The following RBFOX1 variants were observed in gnomAD, a reference collection of about 807,000 sequenced individuals.
The protein encoded by RBFOX1 is RNA binding protein fox-1 homolog 1.
A neutral mutation model predicts 57.7 loss-of-function variants in RBFOX1; 8 were observed. The observed-to-expected ratio is 0.14, with a 90% CI of 0.08 to 0.25. The LOEUF (loss-of-function observed/expected upper bound fraction) is 0.25. Ranked by LOEUF, RBFOX1 falls within the 10% of genes least tolerant of loss-of-function variation. The pLI, the probability that RBFOX1 is intolerant of heterozygous loss-of-function variation, is 1.00. For synonymous variants in RBFOX1, 326 were observed against 222.4 expected, an observed-to-expected ratio of 1.47 and a Z score of -4.15; for missense variants, 611 against 548.5, an observed-to-expected ratio of 1.11 and a Z score of -1.14.
intron 14 of RBFOX1, among the ~76,000 whole-genome samples, chr16:7,697,062 G>A (rs1384044457): frequency 2.6e-5 from 4 of 152,170 alleles, no homozygotes; most frequent in African/African-American, 9.7e-5. Context: ...TGATGCAGAG[G>A]CATTGGAGGG....
At chr16:6,363,689 C>T (rs575391745) in intron 2 of RBFOX1, among the ~76,000 whole-genome samples, 12 of 152,220 alleles carry the variant, frequency 7.9e-5, no homozygotes, top group East Asian at 5.8e-4. Context: ...AAAAACACTC[C>T]GGGGCTTAGC....
intron 1 of RBFOX1, among the ~76,000 whole-genome samples, chr16:5,296,249 C>T (rs1231381638): frequency 6.6e-6 from 1 of 152,206 alleles, no homozygotes; most frequent in East Asian, 1.9e-4. Context: ...GCATCTGCAT[C>T]TGTGTAGATG....
intron 3 of RBFOX1, among the ~76,000 whole-genome samples, chr16:7,026,559 T>G (rs1368694177): frequency 1.3e-5 from 2 of 152,118 alleles, no homozygotes; most frequent in African/African-American, 4.8e-5. Context: ...TTCATACGGC[T>G]TCTCCCCGTC....
chr16:6,371,264 T>C (rs2090396265), intron 2 of RBFOX1, among the ~76,000 whole-genome samples: 2 of 152,200 alleles, frequency 1.3e-5, no homozygotes, highest in South Asian at 4.1e-4. Flanking sequence ...TCATTGATGA[T>C]TCTTGTCTGA....
intron 2 of RBFOX1, among the ~76,000 whole-genome samples, chr16:6,397,727 C>G (rs763056990): frequency 5.3e-5 from 8 of 152,126 alleles, no homozygotes; most frequent in Non-Finnish European, 1.0e-4. Context: ...TATGCAGACA[C>G]AAATGATGAG....
intron 4 of RBFOX1, among the ~76,000 whole-genome samples, chr16:5,899,561 G>T (rs2152176517): frequency 6.6e-6 from 1 of 152,342 alleles, no homozygotes; most frequent in South Asian, 2.1e-4. Flanking sequence ...AGAGCAAACT[G>T]AAAGAGCTGG....
At chr16:5,457,371 G>A (rs185188569) in intron 1 of RBFOX1, among the ~76,000 whole-genome samples, 59 of 152,294 alleles carry the variant, frequency 3.9e-4, no homozygotes, top group African/African-American at 1.2e-3. Context: ...CTGACCTCAG[G>A]TGATCCATCT....
At chr16:7,001,175 C>T (rs1035304553) in intron 3 of RBFOX1, among the ~76,000 whole-genome samples, 7 of 152,034 alleles carry the variant, frequency 4.6e-5, no homozygotes, top group African/African-American at 1.4e-4. Flanking sequence ...CTTGCATATT[C>T]CAAAGGAGAC....
At chr16:5,972,413 G>T (rs904093765) in intron 4 of RBFOX1, among the ~76,000 whole-genome samples, 2 of 152,192 alleles carry the variant, frequency 1.3e-5, no homozygotes, top group South Asian at 4.1e-4. Context: ...CCTCTGTTTT[G>T]AAAGAAACCT....
chr16:7,255,048 G>A (rs2094622812), intron 4 of RBFOX1, among the ~76,000 whole-genome samples: 1 of 152,106 alleles, frequency 6.6e-6, no homozygotes, highest in Non-Finnish European at 1.5e-5. Context: ...TAACAGTAGT[G>A]TTTTTAATAT....
chr16:7,674,818 C>T (rs1416104382), intron 13 of RBFOX1, among the ~76,000 whole-genome samples: 2 of 152,172 alleles, frequency 1.3e-5, no homozygotes, highest in African/African-American at 4.8e-5. Context: ...CAATTCTTCC[C>T]ATTTATCGGA....
At chr16:6,392,590 G>A (rs2092653215) in intron 2 of RBFOX1, among the ~76,000 whole-genome samples, 1 of 152,176 alleles carries the variant, frequency 6.6e-6, no homozygotes, top group African/African-American at 2.4e-5. Flanking sequence ...ATGGAATATG[G>A]TAATATCCCT....
chr16:5,794,559 T>G (rs979226708), intron 3 of RBFOX1, among the ~76,000 whole-genome samples: 2 of 151,992 alleles, frequency 1.3e-5, no homozygotes, highest in African/African-American at 4.8e-5. Context: ...ATTTGCTCAT[T>G]GGAGAGGTAT....
chr16:5,603,994 G>A (rs750786163), downstream of RBFOX1, among the ~76,000 whole-genome samples: 36 of 152,062 alleles, frequency 2.4e-4, no homozygotes, highest in Non-Finnish European at 5.3e-4. Flanking sequence ...CTATACCCAA[G>A]GCAGACATTA....
chr16:6,746,175 A>G (rs2073574388), intron 3 of RBFOX1, among the ~76,000 whole-genome samples: 1 of 152,122 alleles, frequency 6.6e-6, no homozygotes, highest in Non-Finnish European at 1.5e-5. Context: ...TGAGAGACTT[A>G]TCTTAGTCTC....
In RBFOX1 at chr16:5,831,387, G is replaced by T. The variant is rs182477988; in HGVS notation, c.319-35916G>T. On this transcript the variant is annotated intron_variant, in intron 3 of 19. Transcript: ENST00000641259. ...GTTCCCACTTGGCTTTCCACCTTGAGTAAAAGCTCCCCTGGGCCTACGCAG... is the reference window on the plus strand; with the variant it reads ...GTTCCCACTTGGCTTTCCACCTTGATTAAAAGCTCCCCTGGGCCTACGCAG... Among the ~76,000 whole-genome samples the T allele has an allele frequency of 4.6e-5, 7 of 152,208 alleles. No individual in the cohort carries two copies. In the East Asian group the frequency reaches 1.2e-3, roughly 25 times the overall value.
chr16:5,316,727 C>T lies in RBFOX1; in HGVS notation c.219+76622C>T, dbSNP rs557976158. ...TCTAAACCATTGCATTAATTATTCTCAACACACTGAGTCCATCTCTCTTCT... is the reference window on the plus strand; with the variant it reads ...TCTAAACCATTGCATTAATTATTCTTAACACACTGAGTCCATCTCTCTTCT... On this transcript the variant is annotated intron_variant, in intron 1 of 2. Coordinates refer to the RBFOX1 transcript ENST00000585867. Among the ~76,000 whole-genome samples the T allele has an allele frequency of 4.6e-5, 7 of 152,268 alleles. No individual in the cohort carries two copies. The South Asian group carries it at 1.5e-3, about 32-fold the overall frequency.
At chr16:6,500,265 G>T (rs1409060324) in intron 2 of RBFOX1, among the ~76,000 whole-genome samples, 1 of 152,064 alleles carries the variant, frequency 6.6e-6, no homozygotes, top group Non-Finnish European at 1.5e-5. Context: ...GAGGCCTTTA[G>T]CAAGAAGACC....
intron 4 of RBFOX1, chr16:7,332,708 G>C: frequency 1.9e-6 from 2 of 1,079,674 alleles, no homozygotes; most frequent in South Asian, 2.1e-5. Context: ...TTAATGAAGA[G>C]TATTTGGTTA....
Sources: gnomAD v4.1 joint callset for allele counts (sites outside exome capture counted in the v4.1 genomes callset) on GRCh38, gnomAD v4.1.1 for gene constraint, MANE v1.5 for transcripts, NCBI Gene and HGNC (gene_info 2026-07-23, HGNC 2026-07-21) for gene names.